MSI2: variants seen among roughly 807,000 people sequenced by gnomAD.
MSI2 encodes musashi RNA binding protein 2.
A neutral mutation model predicts 45.6 loss-of-function variants in MSI2; 17 were observed. That is an observed-to-expected ratio of 0.37 (90% CI 0.26 to 0.56). The LOEUF is 0.56. Among genes scored for constraint, MSI2 ranks in the 20% least tolerant of loss-of-function variants. MSI2 has a pLI of 0.77. For missense variants in MSI2, 293 were observed against 444.2 expected, an observed-to-expected ratio of 0.66 and a Z score of 3.06; for synonymous variants, 156 against 158.2, an observed-to-expected ratio of 0.99 and a Z score of 0.11.
intron 6 of MSI2, among the ~76,000 whole-genome samples, chr17:57,525,593 T>A (rs1161796087): frequency 6.6e-6 from 1 of 152,146 alleles, no homozygotes; most frequent in Non-Finnish European, 1.5e-5. Flanking sequence ...CCGGCCTATT[T>A]TGCTTTTTCA....
chr17:57,302,862 G>A (rs770036438), intron 5 of MSI2, among the ~76,000 whole-genome samples: 2 of 152,228 alleles, frequency 1.3e-5, no homozygotes, highest in Non-Finnish European at 2.9e-5. Context: ...GCAGCAGATC[G>A]TGGGCAAGGG....
chr17:57,556,674 C>A (rs2144219505), intron 7 of MSI2, among the ~76,000 whole-genome samples: 1 of 152,292 alleles, frequency 6.6e-6, no homozygotes, highest in South Asian at 2.1e-4. Context: ...ATGAGGCCCT[C>A]ACTACTGGGA....
chr17:57,450,448 G>A (rs907506801), intron 6 of MSI2, among the ~76,000 whole-genome samples: 27 of 140,502 alleles, frequency 1.9e-4, no homozygotes, highest in Non-Finnish European at 2.7e-4. Flanking sequence ...AGGCCACAGC[G>A]GGCTGATCAC....
chr17:57,613,562 A>G (rs1435038278), intron 8 of MSI2, among the ~76,000 whole-genome samples: 5 of 152,170 alleles, frequency 3.3e-5, no homozygotes, highest in African/African-American at 1.2e-4. Flanking sequence ...GTATAAATTT[A>G]TGGCTTTTGA....
Position 57,652,310 on chromosome 17 carries a change from C to T in MSI2, c.790+149C>T, listed in dbSNP as rs553571115. 11 of 773,760 alleles carry T rather than the reference C, an allele frequency of 1.4e-5. No homozygotes were observed. Among genetic ancestry groups the T allele is most frequent in the African/African-American group, 3.4e-5 (2 of 58,272 alleles). 47.9% of individuals were successfully genotyped at this position (773,760 alleles called of 1,614,324 possible). A position where few individuals can be genotyped will look rare whatever the true frequency, so the allele number is the denominator to read the frequency against. ...GGGGGTGGACGGGGAGGGGGTGGAC[C>T]GGGAGGCGCGGGCAAGGCCTGGCCA... is the stretch of plus-strand genomic sequence containing the variant. On this transcript the variant is annotated intron_variant, in intron 11 of 13. Coordinates refer to ENST00000284073, the MANE Select transcript of MSI2 (RefSeq NM_138962.4). The surrounding 1 kb of genome is among the most constrained non-coding windows in gnomAD (Gnocchi z 4.1).
intron 5 of MSI2, among the ~76,000 whole-genome samples, chr17:57,377,920 A>G (rs1330190428): frequency 2.0e-5 from 3 of 151,954 alleles, no homozygotes; most frequent in African/African-American, 7.3e-5. Context: ...CTAAAAATAC[A>G]AAAAATTAGC....
At chr17:57,456,173 CA>C (rs2085110485) in intron 6 of MSI2, among the ~76,000 whole-genome samples, 1 of 152,194 alleles carries the variant, frequency 6.6e-6, no homozygotes, top group Non-Finnish European at 1.5e-5. Flanking sequence ...TCTGTGGATG[CA>C]AAGATGTTGA....
intron 8 of MSI2, among the ~76,000 whole-genome samples, chr17:57,611,136 G>C (rs1367832468): frequency 1.0e-5 from 1 of 95,970 alleles, no homozygotes; most frequent in African/African-American, 3.2e-5. Flanking sequence ...AACAGTAGCA[G>C]CAGTAGCAGC....
At chr17:57,357,170 C>T (rs928568505) in intron 5 of MSI2, among the ~76,000 whole-genome samples, 2 of 152,122 alleles carry the variant, frequency 1.3e-5, no homozygotes, top group Admixed American at 6.5e-5. Context: ...GCCTTGTTCA[C>T]TGCCACAAAG....
intron 6 of MSI2, among the ~76,000 whole-genome samples, chr17:57,429,585 T>A (rs565639973): frequency 1.3e-5 from 2 of 151,568 alleles, no homozygotes; most frequent in East Asian, 3.9e-4. Context: ...CCAGCAAGGG[T>A]TTTTCCTGCC....
At chr17:57,638,920 G>C (rs1229429306) in intron 10 of MSI2, among the ~76,000 whole-genome samples, 1 of 152,036 alleles carries the variant, frequency 6.6e-6, no homozygotes, top group African/African-American at 2.4e-5. Flanking sequence ...AAAACATAAA[G>C]TTATATTTCT....
At chr17:57,695,919 TGAGA>T in the MSI2 span, among the ~76,000 whole-genome samples, 1 of 151,806 alleles carries the variant, frequency 6.6e-6, no homozygotes, top group Admixed American at 6.6e-5. Flanking sequence ...GTGTGTGTGG[TGAGA>T]GAGAGAGAGC....
At chr17:57,276,021 A>G (rs1434213688) in intron 5 of MSI2, among the ~76,000 whole-genome samples, 1 of 152,124 alleles carries the variant, frequency 6.6e-6, no homozygotes, top group Non-Finnish European at 1.5e-5. Context: ...CTCTTTGGGA[A>G]GGGCTGTTTA....
chr17:57,601,429 C>G (rs1343832507), intron 8 of MSI2: 4 of 152,286 alleles, frequency 2.6e-5, no homozygotes, highest in African/African-American at 9.6e-5. Context: ...TCCTCCCTGG[C>G]CACTCTGTGT....
intron 7 of MSI2, among the ~76,000 whole-genome samples, chr17:57,539,404 T>C (rs148295497): frequency 2.5e-4 from 38 of 151,616 alleles, no homozygotes; most frequent in African/African-American, 9.0e-4. Context: ...AGAAAGAAAA[T>C]TTACCAGCCG....
chr17:57,613,918 T>C (rs886112055), intron 8 of MSI2, among the ~76,000 whole-genome samples: 1 of 152,184 alleles, frequency 6.6e-6, no homozygotes, highest in Admixed American at 6.5e-5. Context: ...TGAAGAAAGG[T>C]GACTTATATC....
At chr17:57,267,121 A>G (rs1183875572) in intron 5 of MSI2, 4 of 152,332 alleles carry the variant, frequency 2.6e-5, no homozygotes, top group East Asian at 3.9e-4. Flanking sequence ...GCATCTTGCC[A>G]TCTTGGATGA....
At position 57,529,585 on chromosome 17, in the gene MSI2, A is replaced by G; in HGVS notation, c.406-91A>G. ...AAGCAACTATTACTTCTGTAATGGA[A>G]ACTACCCCCTCACCCCCCGACATGC... On this transcript the variant is annotated intron_variant, in intron 6 of 13. Coordinates refer to ENST00000284073, the MANE Select transcript of MSI2 (RefSeq NM_138962.4). The surrounding 1 kb of genome is among the most constrained non-coding windows in gnomAD (Gnocchi z 5.3). 1 of 1,167,280 alleles carries G rather than the reference A, an allele frequency of 8.6e-7. No homozygotes were observed. Among genetic ancestry groups the G allele is most frequent in the South Asian group, 1.3e-5 (1 of 76,108 alleles). The allele number at this position is 1,167,280 out of a possible 1,614,324, so 72.3% of individuals were successfully genotyped here. A position where few individuals can be genotyped will look rare whatever the true frequency, so the allele number is the denominator to read the frequency against.
At chr17:57,335,663 T>C (rs1914641819) in intron 5 of MSI2, among the ~76,000 whole-genome samples, 1 of 152,234 alleles carries the variant, frequency 6.6e-6, no homozygotes, top group South Asian at 2.1e-4. Context: ...GTGTGTATAG[T>C]AGTCAATTAG....
Sources: allele counts gnomAD v4.1 joint callset (sites outside exome capture counted in the v4.1 genomes callset), GRCh38; gene constraint gnomAD v4.1.1; non-coding constraint Gnocchi (gnomAD v3.1); transcripts MANE v1.5; gene names NCBI Gene and HGNC (gene_info 2026-07-23, HGNC 2026-07-21).